Variants in ANK2 observed in about 807,000 individuals in gnomAD.
ANK2 encodes the protein ankyrin-2.
A neutral mutation model predicts 360.5 loss-of-function variants in ANK2; 83 were observed. That is an observed-to-expected ratio of 0.23 (90% CI 0.19 to 0.28). The LOEUF (loss-of-function observed/expected upper bound fraction) is 0.28, where lower values mean the gene tolerates loss of function less well. Among genes scored for constraint, ANK2 ranks in the 10% least tolerant of loss-of-function variants. ANK2 has a pLI of 1.00. For synonymous variants in ANK2, 1,740 were observed against 1,759.5 expected, an observed-to-expected ratio of 0.99 and a Z score of 0.28; for missense variants, 4,201 against 4,795.7, an observed-to-expected ratio of 0.88 and a Z score of 3.66.
chr4:112,905,112 C>G (rs1192310424), intron 2 of ANK2, among the ~76,000 whole-genome samples: 1 of 152,096 alleles, frequency 6.6e-6, no homozygotes, highest in Non-Finnish European at 1.5e-5. Flanking sequence ...TTGGGGAAAT[C>G]TGCTTGTATT....
chr4:112,826,673 A>G (rs538090042), intron 1 of ANK2: 2 of 938,294 alleles, frequency 2.1e-6, no homozygotes, highest in African/African-American at 3.4e-5. Context: ...ATTCCTCAGC[A>G]TTGACCATTC....
chr4:113,196,087 A>G (rs1369464067), intron 2 of ANK2, among the ~76,000 whole-genome samples: 1 of 152,222 alleles, frequency 6.6e-6, no homozygotes, highest in Non-Finnish European at 1.5e-5. Flanking sequence ...GTTCTCTTTA[A>G]GTCATTTAAA....
At chr4:113,074,473 C>T (rs1180450806) in intron 1 of ANK2, among the ~76,000 whole-genome samples, 1 of 152,082 alleles carries the variant, frequency 6.6e-6, no homozygotes, top group East Asian at 1.9e-4. Flanking sequence ...TGAGAATCAA[C>T]AGCTGATATA....
chr4:113,115,335 GT>G (rs1488334812), intron 1 of ANK2, among the ~76,000 whole-genome samples: 1 of 152,030 alleles, frequency 6.6e-6, no homozygotes, highest in Non-Finnish European at 1.5e-5. Context: ...TTTTATTTTT[GT>G]TTTTTTGGAA....
At position 113,238,576 on chromosome 4, in the gene ANK2, T is replaced by A. The variant is rs115996862; in HGVS notation, c.693+954T>A. Among the ~76,000 whole-genome samples the A allele has an allele frequency of 4.3e-3, 653 of 152,344 alleles. 6 individuals are homozygous for A. Among genetic ancestry groups the A allele is most frequent in the African/African-American group, 0.015 (617 of 41,580 alleles). The stretch of plus-strand genomic sequence containing the variant: ...GGAACCGTACAAATTGATATCTTAA[T>A]AACTAATTTCAATACCTTTAATTTC... On this transcript the variant is annotated intron_variant, in intron 7 of 45. Transcript: ENST00000357077.
At chr4:112,743,794 C>T in the ANK2 span, among the ~76,000 whole-genome samples, 2 of 152,176 alleles carry the variant, frequency 1.3e-5, no homozygotes, top group African/African-American at 4.8e-5. Context: ...ATCTGACTGC[C>T]TTGGCCTCCC....
At chr4:112,806,537 A>G in the ANK2 span, among the ~76,000 whole-genome samples, 4 of 152,156 alleles carry the variant, frequency 2.6e-5, no homozygotes, top group African/African-American at 9.7e-5. Context: ...TCTCTACAAT[A>G]TACTGATTTC....
chr4:113,292,795 C>A (rs1370039107), intron 21 of ANK2, among the ~76,000 whole-genome samples: 3 of 152,044 alleles, frequency 2.0e-5, no homozygotes, highest in Non-Finnish European at 4.4e-5. Context: ...TTACAGCTGG[C>A]TCTCAGATGT....
intron 1 of ANK2, among the ~76,000 whole-genome samples, chr4:113,075,170 AC>A (rs2154343115): frequency 6.6e-6 from 1 of 152,346 alleles, no homozygotes; most frequent in Non-Finnish European, 1.5e-5. Flanking sequence ...AATTATTATT[AC>A]ATTATTAGCA....
At chr4:112,863,229 G>A (rs937327003) in intron 1 of ANK2, among the ~76,000 whole-genome samples, 2 of 152,050 alleles carry the variant, frequency 1.3e-5, no homozygotes, top group Non-Finnish European at 2.9e-5. Flanking sequence ...TAGTCGGTGT[G>A]ATTATAAATA....
chr4:113,077,719 G>T (rs1338318332), intron 1 of ANK2, among the ~76,000 whole-genome samples: 1 of 152,210 alleles, frequency 6.6e-6, no homozygotes, highest in Non-Finnish European at 1.5e-5. Flanking sequence ...AACGAAAGCT[G>T]CTTTTTACTT....
Position 113,355,724 on chromosome 4 carries a change from T to G in ANK2, c.7106T>G (p.Val2369Gly), listed in dbSNP as rs28377576. 24 of 1,613,524 alleles carry G rather than the reference T, an allele frequency of 1.5e-5. No homozygotes were observed. The highest frequency in any genetic ancestry group is 1.9e-5 in the Non-Finnish European group (23 of 1,179,854). The change falls in exon 38 of 46, where the codon GTT becomes GGT. Residue 2369 changes from valine (V) to glycine (G), a missense_variant. Physicochemically the swap from Val to Gly is moderately radical, Grantham distance 109 (BLOSUM62 -3). This residue lies in a region of ANK2 where 2,642 missense variants were observed against 2,714.5 expected (regional missense o/e 0.97). Transcript: ENST00000357077. ...CACAAGACACAAACTGATAGTGAGGTTCAAGAATCCACAGCCACCTCAGAC... is the reference window on the plus strand; with the variant it reads ...CACAAGACACAAACTGATAGTGAGGGTCAAGAATCCACAGCCACCTCAGAC... ...SAHKTQTDSE[V>G]QESTATSDET...
chr4:112,767,397 C>T, the ANK2 span, among the ~76,000 whole-genome samples: 3 of 151,884 alleles, frequency 2.0e-5, no homozygotes, highest in African/African-American at 7.3e-5. Flanking sequence ...CCCGTCTCTA[C>T]TAAAAATACA....
chr4:112,844,920 T>C (rs1002940012), intron 1 of ANK2, among the ~76,000 whole-genome samples: 1 of 152,224 alleles, frequency 6.6e-6, no homozygotes, highest in Non-Finnish European at 1.5e-5. Context: ...AGGAGTTTGC[T>C]GTGTAATATA....
At chr4:113,284,595 G>C (rs567767877) in intron 18 of ANK2, among the ~76,000 whole-genome samples, 4 of 152,120 alleles carry the variant, frequency 2.6e-5, no homozygotes, top group Non-Finnish European at 4.4e-5. Flanking sequence ...CATTTAAGGA[G>C]TATTTTTTAG....
At chr4:113,072,121 C>A (rs1295142708) in intron 1 of ANK2, among the ~76,000 whole-genome samples, 1 of 152,178 alleles carries the variant, frequency 6.6e-6, no homozygotes, top group Non-Finnish European at 1.5e-5. Context: ...GGGGAGACAG[C>A]CAAACCATAT....
intron 2 of ANK2, among the ~76,000 whole-genome samples, chr4:113,181,987 G>T (rs1042098073): frequency 8.7e-6 from 1 of 114,494 alleles, no homozygotes; most frequent in African/African-American, 3.9e-5. Flanking sequence ...TAAGGCTCAG[G>T]CTGAAAGGGA....
At chr4:112,810,930 CTTTT>C in the ANK2 span, among the ~76,000 whole-genome samples, 11 of 137,094 alleles carry the variant, frequency 8.0e-5, no homozygotes, top group South Asian at 4.7e-4. Flanking sequence ...TTCTTTCTTT[CTTTT>C]TTTTTTTTTT....
At chr4:112,792,480 C>T in the ANK2 span, among the ~76,000 whole-genome samples, 1 of 152,060 alleles carries the variant, frequency 6.6e-6, no homozygotes, top group Non-Finnish European at 1.5e-5. Flanking sequence ...AGTAGTATTG[C>T]CATGGAATTT....
Sources: gnomAD v4.1 joint callset for allele counts (sites outside exome capture counted in the v4.1 genomes callset) on GRCh38, gnomAD v4.1.1 for gene constraint, gnomAD v4.1.1 regional missense constraint, MANE v1.5 for transcripts, NCBI Gene and HGNC (gene_info 2026-07-23, HGNC 2026-07-21) for gene names.